Variants in SGSM2 observed in about 807,000 individuals in gnomAD.
SGSM2 encodes the protein RUN and TBC1 domain containing 1.
SGSM2 carries 89 observed loss-of-function variants against 126.6 expected under a neutral mutation model. That is an observed-to-expected ratio of 0.70 (90% CI 0.59 to 0.84). The LOEUF is 0.84. SGSM2 is among the 40% of genes least tolerant of loss of function. SGSM2 has a pLI of 0.00. For synonymous variants in SGSM2, 614 were observed against 574.3 expected (o/e 1.07, Z -0.99); for missense variants, 1,404 against 1,416.6 (o/e 0.99, Z 0.14).
intron 2 of SGSM2, among the ~76,000 whole-genome samples, chr17:2,344,965 T>C (rs1339929517): frequency 2.0e-5 from 3 of 152,180 alleles, no homozygotes; most frequent in African/African-American, 7.2e-5. Context: ...TCTCTCCTCC[T>C]TTGGCTGTTG....
chr17:2,345,705 G>A (rs1215751956), intron 2 of SGSM2, among the ~76,000 whole-genome samples: 2 of 152,000 alleles, frequency 1.3e-5, no homozygotes, highest in Admixed American at 6.6e-5. Flanking sequence ...CTCTGCCAGT[G>A]TGCAGCCTCT....
Position 2,380,437 on chromosome 17 carries a change from C to G in SGSM2, c.*917C>G, listed in dbSNP as rs1416641033. 12 of 834,824 alleles carry G rather than the reference C, an allele frequency of 1.4e-5. No individual in the cohort carries two copies. The highest frequency in any genetic ancestry group is 1.9e-5 in the Non-Finnish European group (10 of 518,484). 51.7% of individuals were successfully genotyped at this position (834,824 alleles called of 1,614,324 possible). On this transcript the variant is annotated 3_prime_UTR_variant, in exon 24 of 24. Transcript: ENST00000268989. ...TTCGAGGGCAGCCCATTATCTGTCG[C>G]AGACATCTGCCATGTCCCTGAGACT...
At position 2,375,452 on chromosome 17, in the gene SGSM2, G is replaced by T. The variant is rs769488287; in HGVS notation, c.2101-40G>T. 1.9e-6 allele frequency: 3 copies of T among 1,568,518 alleles called. No homozygotes were observed. In the African/African-American group the frequency reaches 4.1e-5, roughly 21 times the overall value. ...AGGAGGCGGTGGGCTGCGGGAAGGT[G>T]CTGGAGTGCAGGTGGAGCCGCCCTG... On this transcript the variant is annotated intron_variant, in intron 17 of 23. Transcript: ENST00000268989.
intron 2 of SGSM2, among the ~76,000 whole-genome samples, chr17:2,358,672 G>A (rs897347007): frequency 1.2e-4 from 19 of 152,046 alleles, no homozygotes; most frequent in African/African-American, 4.3e-4. Context: ...TGGTTGCACC[G>A]TTGCACGCCA....
rs561314189 is a variant in SGSM2 at position 2,369,175 on chromosome 17, T to C, written c.1423+1770T>C. Among the ~76,000 whole-genome samples the C allele has an allele frequency of 1.3e-4, 20 of 152,304 alleles. No homozygotes were observed. In the South Asian group the frequency reaches 2.7e-3, roughly 20 times the overall value. On this transcript the variant is annotated intron_variant, in intron 12 of 23. Transcript: ENST00000268989. ...GGGAATGGGGGCCCCCCACCTCCAC[T>C]CCAGTCCATAATGACAACACTGTTG...
intron 2 of SGSM2, among the ~76,000 whole-genome samples, chr17:2,357,328 C>T (rs1271405255): frequency 6.6e-6 from 1 of 152,082 alleles, no homozygotes; most frequent in Non-Finnish European, 1.5e-5. Context: ...CTGGGCTCAG[C>T]TGGCCCAGAC....
At chr17:2,359,211 T>C (rs980048532) in intron 2 of SGSM2, among the ~76,000 whole-genome samples, 3 of 152,086 alleles carry the variant, frequency 2.0e-5, no homozygotes, top group Non-Finnish European at 2.9e-5. Context: ...CAGAAGCCCA[T>C]TCACAAAGTC....
rs1312567558 is a variant in SGSM2 at position 2,377,862 on chromosome 17, G to A, written c.2808G>A (p.Leu936=). ...CCTTTTCCCACCCACATAAGATCCT[G>A]GACTCAGAGCTGTTTGAGCTGATGC... ...FANMRSLIQI[L]DSELFELMHQ... is the part of the protein sequence containing the mutation. The change falls in exon 22 of 24, where the codon CTG becomes CTA. Residue 936 remains leucine, a synonymous_variant. Coordinates refer to ENST00000268989, the MANE Select transcript of SGSM2 (RefSeq NM_014853.3). 17 of 1,606,318 alleles carry A rather than the reference G, an allele frequency of 1.1e-5. No individual in the cohort carries two copies. The highest frequency in any genetic ancestry group is 1.4e-5 in the Non-Finnish European group (17 of 1,173,166).
In SGSM2 at chr17:2,372,866, C is replaced by T. The variant is rs1040512224; in HGVS notation, c.1789-87C>T. 3 of 1,502,652 alleles carry T rather than the reference C, an allele frequency of 2.0e-6. No individual in the cohort carries two copies. The African/African-American group carries it at 4.2e-5, about 21-fold the overall frequency. 93.1% of individuals were successfully genotyped at this position (1,502,652 alleles called of 1,614,324 possible). A position where few individuals can be genotyped will look rare whatever the true frequency, so the allele number is the denominator to read the frequency against. Reference sequence around the variant, plus strand: ...TCAGCAGTCACTACAGGCCCCGCCCCAGCCCATTCTCCGTGGGATGGGGCT... The same window carrying T: ...TCAGCAGTCACTACAGGCCCCGCCCTAGCCCATTCTCCGTGGGATGGGGCT... On this transcript the variant is annotated intron_variant, in intron 15 of 23. Transcript: ENST00000268989. The surrounding 1 kb of genome is among the most constrained non-coding windows in gnomAD (Gnocchi z 6.0).
chr17:2,372,730 C>G lies in SGSM2; in HGVS notation c.1789-223C>G, dbSNP rs542964851. Reference sequence around the variant, plus strand: ...ACCCTGGACAAAGCTTTGCCTCTCTCCGGGCGCCATTTCCTGCCCCTTAAG... The same window carrying G: ...ACCCTGGACAAAGCTTTGCCTCTCTGCGGGCGCCATTTCCTGCCCCTTAAG... On this transcript the variant is annotated intron_variant, in intron 15 of 23. Coordinates refer to ENST00000268989, the MANE Select transcript of SGSM2 (RefSeq NM_014853.3). The surrounding 1 kb of genome is among the most constrained non-coding windows in gnomAD (Gnocchi z 6.0). 1.9e-5 allele frequency: 15 copies of G among 806,352 alleles called. No individual in the cohort carries two copies. In the African/African-American group the frequency reaches 2.6e-4, roughly 14 times the overall value. 49.9% of individuals were successfully genotyped at this position (806,352 alleles called of 1,614,324 possible).
rs369775574 is a variant in SGSM2, at chr17:2,363,706, G to T, written c.807+107G>T. On this transcript the variant is annotated intron_variant, in intron 7 of 23. Coordinates refer to ENST00000268989, the MANE Select transcript of SGSM2 (RefSeq NM_014853.3). The surrounding 1 kb of genome is among the most constrained non-coding windows in gnomAD (Gnocchi z 4.2). ...TCCTGAGGAGCTTGACCAGAGACGG[G>T]GGGGAGAATGGCCCCAGCCTCCCAA... 5.6e-5 allele frequency: 81 copies of T among 1,451,720 alleles called. 1 individual carries two copies. The highest frequency in any genetic ancestry group is 3.8e-4 in the East Asian group (16 of 41,856). The allele number at this position is 1,451,720 out of a possible 1,614,324, so 89.9% of individuals were successfully genotyped here. A position where few individuals can be genotyped will look rare whatever the true frequency, so the allele number is the denominator to read the frequency against.
rs1225939995 is a variant in SGSM2 at position 2,376,946 on chromosome 17, T to C, written c.2693-13T>C. 1.2e-6 allele frequency: 2 copies of C among 1,610,482 alleles called. No homozygotes were observed. Among genetic ancestry groups the C allele is most frequent in the Non-Finnish European group, 1.7e-6 (2 of 1,177,286 alleles). On this transcript the variant is annotated splice_polypyrimidine_tract_variant and intron_variant, in intron 20 of 23. Transcript: ENST00000268989. Reference sequence around the variant, plus strand: ...TCTCCTGCCCTGCCAGCTTCACTCCTGTCTCCCCTCAGATCAGCTGGCCTA... The same window carrying C: ...TCTCCTGCCCTGCCAGCTTCACTCCCGTCTCCCCTCAGATCAGCTGGCCTA...
At position 2,379,485 on chromosome 17, in the gene SGSM2, G is replaced by A. The variant is rs61741902; in HGVS notation, c.3121G>A (p.Val1041Ile). ...QEILRIARDL[V>I]HKVQMLIENK ...GATCCTGCGGATTGCCCGGGACCTC[G>A]TCCACAAGGTGCAGATGCTCATAGA... The change falls in exon 24 of 24, where the codon GTC becomes ATC. Residue 1041 changes from valine to isoleucine, a missense_variant. By Grantham distance (29) the Val-to-Ile change is conservative. Coordinates refer to ENST00000268989, the MANE Select transcript of SGSM2 (RefSeq NM_014853.3). The A allele has an allele frequency of 0.012, 19,170 of 1,613,586 alleles. 127 individuals carry two copies. Among genetic ancestry groups the A allele is most frequent in the Non-Finnish European group, 0.013 (15,766 of 1,179,744 alleles).
At chr17:2,358,621 A>C (rs1190021770) in intron 2 of SGSM2, among the ~76,000 whole-genome samples, 1 of 152,090 alleles carries the variant, frequency 6.6e-6, no homozygotes, top group Non-Finnish European at 1.5e-5. Context: ...CTGAGGTGGG[A>C]GGATGGCTTG....
chr17:2,347,645 T>C, intron 2 of SGSM2, among the ~76,000 whole-genome samples: 2 of 143,752 alleles, frequency 1.4e-5, no homozygotes, highest in Non-Finnish European at 1.5e-5. Context: ...TTGTTTTTTC[T>C]TTTTTTTTTT....
At chr17:2,345,361 T>C (rs1408997147) in intron 2 of SGSM2, among the ~76,000 whole-genome samples, 3 of 139,842 alleles carry the variant, frequency 2.1e-5, no homozygotes, top group South Asian at 4.6e-4. Flanking sequence ...CTTTGGGAGG[T>C]GGAGGTGGGC....
chr17:2,350,153 C>T (rs993099195), intron 2 of SGSM2, among the ~76,000 whole-genome samples: 1 of 151,748 alleles, frequency 6.6e-6, no homozygotes, highest in African/African-American at 2.4e-5. Context: ...AACTCCTGAC[C>T]TCAGGTGATC....
Position 2,379,600 on chromosome 17 carries a change from C to T in SGSM2, c.*80C>T. On this transcript the variant is annotated 3_prime_UTR_variant, in exon 24 of 24. Coordinates refer to ENST00000268989, the MANE Select transcript of SGSM2 (RefSeq NM_014853.3). The stretch of plus-strand genomic sequence containing the variant: ...GCAGGGGAGTCACCGCCCAGACCTC[C>T]CCAGCCACCAACCGACCCCACCTCT... 4 of 1,547,810 alleles carry T rather than the reference C, an allele frequency of 2.6e-6. No individual in the cohort carries two copies. Among genetic ancestry groups the T allele is most frequent in the Non-Finnish European group, 3.5e-6 (4 of 1,140,534 alleles).
Position 2,375,590 on chromosome 17 carries a change from C to A in SGSM2, c.2199C>A (p.Gly733=). The change falls in exon 18 of 24, where the codon GGC becomes GGA. Residue 733 remains glycine (G), a synonymous_variant. Transcript: ENST00000268989. ...AGGAAGCAGGACCCGGGACTCCGGGCACCGCCGTGGTGGAGCAGCAGCATT... is the reference window on the plus strand; with the variant it reads ...AGGAAGCAGGACCCGGGACTCCGGGAACCGCCGTGGTGGAGCAGCAGCATT... ...PEQEAGPGTP[G]TAVVEQQHSV... is the part of the protein sequence containing the mutation. The A allele has an allele frequency of 6.2e-7, 1 of 1,613,928 alleles. No individual in the cohort carries two copies.
Sources: allele counts gnomAD v4.1 joint callset (sites outside exome capture counted in the v4.1 genomes callset), GRCh38; gene constraint gnomAD v4.1.1; non-coding constraint Gnocchi (gnomAD v3.1); transcripts MANE v1.5; gene names NCBI Gene and HGNC (gene_info 2026-07-23, HGNC 2026-07-21).